Variants in LDB2 observed in about 807,000 individuals in gnomAD.
LDB2 encodes LIM domain binding 2.
LDB2 carries 12 observed loss-of-function variants against 44.3 expected under a neutral mutation model. The observed-to-expected ratio is 0.27, with a 90% CI of 0.17 to 0.44. The LOEUF (loss-of-function observed/expected upper bound fraction) is 0.44. LDB2 is among the 20% of genes least tolerant of loss of function. The probability of loss-of-function intolerance (pLI) is 1.00; values close to 1 mark genes in which losing one functional copy is unlikely to be tolerated. For missense variants in LDB2, 344 were observed against 473.5 expected, an observed-to-expected ratio of 0.73 and a Z score of 2.54; for synonymous variants, 164 against 174.8, an observed-to-expected ratio of 0.94 and a Z score of 0.49.
At chr4:16,812,130 T>C (rs115766304) in intron 1 of LDB2, among the ~76,000 whole-genome samples, 2,438 of 152,268 alleles carry the variant, frequency 0.016, 61 homozygotes, top group African/African-American at 0.056. Context: ...GTTTAGCACA[T>C]TGATATTAGC....
chr4:16,663,774 A>C (rs1359060420), intron 2 of LDB2, among the ~76,000 whole-genome samples: 1 of 152,198 alleles, frequency 6.6e-6, no homozygotes, highest in Non-Finnish European at 1.5e-5. Flanking sequence ...ATAGATTCTA[A>C]TTTATCCCAT....
intron 1 of LDB2, among the ~76,000 whole-genome samples, chr4:16,893,509 C>T (rs1226021017): frequency 6.6e-6 from 1 of 150,998 alleles, no homozygotes; most frequent in South Asian, 2.1e-4. Flanking sequence ...GACTAAGAAT[C>T]CCCCTCCTCC....
intron 2 of LDB2, among the ~76,000 whole-genome samples, chr4:16,693,545 C>T (rs1210934308): frequency 2.0e-5 from 3 of 151,914 alleles, no homozygotes; most frequent in South Asian, 2.1e-4. Flanking sequence ...TTAGTAGAGA[C>T]GGGTTTCACC....
At chr4:16,735,784 C>T (rs190305825) in intron 2 of LDB2, among the ~76,000 whole-genome samples, 1 of 152,086 alleles carries the variant, frequency 6.6e-6, no homozygotes. Flanking sequence ...GATTAGTAAG[C>T]ACTACAGGAT....
chr4:16,767,985 C>T (rs978064301), intron 1 of LDB2, among the ~76,000 whole-genome samples: 1 of 152,172 alleles, frequency 6.6e-6, no homozygotes, highest in Non-Finnish European at 1.5e-5. Context: ...CCCTATCCCT[C>T]TTCACCAAAA....
chr4:16,745,934 G>A (rs1764293991), intron 2 of LDB2, among the ~76,000 whole-genome samples: 1 of 151,972 alleles, frequency 6.6e-6, no homozygotes, highest in Non-Finnish European at 1.5e-5. Context: ...ATGGTAAAGG[G>A]TACACAGTAT....
In LDB2 at chr4:16,585,980, T is replaced by C; in HGVS notation, c.557A>G (p.Gln186Arg). 1 of 1,613,880 alleles carries C rather than the reference T, an allele frequency of 6.2e-7. No individual in the cohort carries two copies. The highest frequency in any genetic ancestry group is 1.3e-5 in the African/African-American group (1 of 75,040). ...CATCCTGGTGATGTTTTTGGACAGC[T>C]GATCCAGGACCTGAGGATCTTGTGC... is the stretch of plus-strand genomic sequence containing the variant. Reference protein sequence around the residue: ...MHAQDPQVLDQLSKNITRMGL... With the variant: ...MHAQDPQVLDRLSKNITRMGL... Residue 186 changes from glutamine (Q) to arginine (R), a missense_variant, in exon 5 of 8, where the codon CAG becomes CGG. Physicochemically the swap from Gln to Arg is conservative, Grantham distance 43. Coordinates refer to ENST00000304523, the MANE Select transcript of LDB2 (RefSeq NM_001290.5).
chr4:16,695,445 G>C (rs1226542171), intron 2 of LDB2, among the ~76,000 whole-genome samples: 3 of 148,988 alleles, frequency 2.0e-5, no homozygotes, highest in African/African-American at 7.4e-5. Context: ...TGGCAAGACA[G>C]AGCAAGACTC....
chr4:16,686,961 C>A (rs1475237745), intron 2 of LDB2, among the ~76,000 whole-genome samples: 1 of 152,074 alleles, frequency 6.6e-6, no homozygotes, highest in East Asian at 1.9e-4. Context: ...TATTCCTCTT[C>A]CCTACTTTCT....
chr4:16,792,591 C>G (rs1775985090), intron 1 of LDB2, among the ~76,000 whole-genome samples: 1 of 152,232 alleles, frequency 6.6e-6, no homozygotes, highest in African/African-American at 2.4e-5. Flanking sequence ...TGAGCAACTT[C>G]TCTTCCTTTT....
At chr4:16,551,464 C>G (rs1342115373) in intron 5 of LDB2, among the ~76,000 whole-genome samples, 2 of 152,084 alleles carry the variant, frequency 1.3e-5, no homozygotes, top group East Asian at 3.8e-4. Flanking sequence ...TGAAAAAGTC[C>G]TCTGTAAGTA....
At chr4:16,633,326 T>C (rs1209136174) in intron 2 of LDB2, among the ~76,000 whole-genome samples, 1 of 152,088 alleles carries the variant, frequency 6.6e-6, no homozygotes, top group Non-Finnish European at 1.5e-5. Flanking sequence ...TTAGGAGATA[T>C]ACCTAATGTA....
At chr4:16,711,177 A>T (rs1214658103) in intron 2 of LDB2, among the ~76,000 whole-genome samples, 1 of 152,226 alleles carries the variant, frequency 6.6e-6, no homozygotes, top group East Asian at 1.9e-4. Flanking sequence ...CCTAAAGTGC[A>T]TTACAACAGG....
intron 1 of LDB2, among the ~76,000 whole-genome samples, chr4:16,871,572 T>G (rs994193354): frequency 6.6e-6 from 1 of 151,988 alleles, no homozygotes; most frequent in Non-Finnish European, 1.5e-5. Context: ...TTCTTAATCA[T>G]TAATGTAAAA....
At position 16,600,929 on chromosome 4, in the gene LDB2, C is replaced by G. The variant is rs948545625; in HGVS notation, c.236-5054G>C. Among the ~76,000 whole-genome samples, 10 of 152,064 alleles carry G rather than the reference C, an allele frequency of 6.6e-5. No homozygotes were observed. The East Asian group carries it at 1.2e-3, about 18-fold the overall frequency. Reference sequence around the variant, plus strand: ...GACATAAACTACTGTGCCTCCTCCCCAAAGCAGAAGGTCTGCCTTTTAGAG... The same window carrying G: ...GACATAAACTACTGTGCCTCCTCCCGAAAGCAGAAGGTCTGCCTTTTAGAG... On this transcript the variant is annotated intron_variant, in intron 2 of 7. Coordinates refer to ENST00000304523, the MANE Select transcript of LDB2 (RefSeq NM_001290.5).
intron 1 of LDB2, among the ~76,000 whole-genome samples, chr4:16,843,713 C>T (rs1786350064): frequency 6.6e-6 from 1 of 152,148 alleles, no homozygotes; most frequent in East Asian, 1.9e-4. Flanking sequence ...CCTCCACCTC[C>T]CAGGTTCAAG....
intron 2 of LDB2, among the ~76,000 whole-genome samples, chr4:16,600,396 T>C (rs373894706): frequency 6.6e-6 from 1 of 152,182 alleles, no homozygotes; most frequent in African/African-American, 2.4e-5. Flanking sequence ...GGTATTTTTC[T>C]GACACATTTA....
At chr4:16,687,208 T>C (rs1219568816) in intron 2 of LDB2, among the ~76,000 whole-genome samples, 1 of 152,216 alleles carries the variant, frequency 6.6e-6, no homozygotes. Flanking sequence ...TTTCTGCAAA[T>C]TCCTATTTTG....
intron 2 of LDB2, among the ~76,000 whole-genome samples, chr4:16,618,532 T>C (rs1728009030): frequency 6.6e-6 from 1 of 152,228 alleles, no homozygotes; most frequent in African/African-American, 2.4e-5. Context: ...TATACACATA[T>C]GTGTACATAC....
Sources: allele counts gnomAD v4.1 joint callset (sites outside exome capture counted in the v4.1 genomes callset), GRCh38; gene constraint gnomAD v4.1.1; transcripts MANE v1.5; gene names NCBI Gene and HGNC (gene_info 2026-07-23, HGNC 2026-07-21).